The following SAMD4A variants were observed in gnomAD, a reference collection of about 807,000 sequenced individuals.
SAMD4A encodes the protein sterile alpha motif domain containing 4A.
Under a neutral mutation model 81.3 loss-of-function variants are expected in SAMD4A, and 33 were observed. The observed-to-expected ratio is 0.41, with a 90% CI of 0.31 to 0.54. The LOEUF (loss-of-function observed/expected upper bound fraction) is 0.54, where lower values mean the gene tolerates loss of function less well. Among genes scored for constraint, SAMD4A ranks in the 20% least tolerant of loss-of-function variants. SAMD4A has a pLI of 0.37. For missense variants in SAMD4A, 854 were observed against 951.1 expected (o/e 0.90, Z 1.34); for synonymous variants, 389 against 382.1 (o/e 1.02, Z -0.21).
intron 2 of SAMD4A, among the ~76,000 whole-genome samples, chr14:54,662,826 C>T (rs143994921): frequency 3.3e-5 from 5 of 152,284 alleles, no homozygotes; most frequent in African/African-American, 9.6e-5. Context: ...GATTCCTACA[C>T]GGTCTGCACA....
chr14:54,590,101 A>T, intron 2 of SAMD4A, among the ~76,000 whole-genome samples: 1 of 152,236 alleles, frequency 6.6e-6, no homozygotes, highest in East Asian at 1.9e-4. Context: ...CACACAATAA[A>T]TATTTGTTGA....
chr14:54,606,854 A>G (rs2034219384), intron 2 of SAMD4A, among the ~76,000 whole-genome samples: 1 of 152,202 alleles, frequency 6.6e-6, no homozygotes, highest in African/African-American at 2.4e-5. Flanking sequence ...GTCAACACAT[A>G]TTCACTTATT....
chr14:54,787,995 T>C (rs945865552), intron 12 of SAMD4A, among the ~76,000 whole-genome samples: 1 of 152,216 alleles, frequency 6.6e-6, no homozygotes, highest in South Asian at 2.1e-4. Flanking sequence ...GCCTCACACC[T>C]CTGATGGTCA....
At chr14:54,712,010 C>T (rs914903859) in intron 3 of SAMD4A, among the ~76,000 whole-genome samples, 2 of 152,152 alleles carry the variant, frequency 1.3e-5, no homozygotes, top group African/African-American at 4.8e-5. Flanking sequence ...TTCAGTCAGC[C>T]TGTGAGAACC....
chr14:54,702,704 T>C, intron 3 of SAMD4A, 124 bp downstream of exon 3: 1 of 1,201,858 alleles, frequency 8.3e-7, no homozygotes, highest in Non-Finnish European at 1.2e-6. Flanking sequence ...CTGATTGGAA[T>C]TGGCTGTGGG....
At position 54,764,550 on chromosome 14, in the gene SAMD4A, G is replaced by A; in HGVS notation, c.1596+10G>A. 1.9e-6 allele frequency: 3 copies of A among 1,573,356 alleles called. No individual in the cohort carries two copies. The highest frequency in any genetic ancestry group is 2.6e-6 in the Non-Finnish European group (3 of 1,156,618). The stretch of plus-strand genomic sequence containing the variant: ...GTGTCTAATTCATGAGGTGAGTAGT[G>A]ACAGGTTTTACAAAACCATTTTTTT... On this transcript the variant is annotated intron_variant, in intron 8 of 12. Transcript: ENST00000554335.
intron 2 of SAMD4A, among the ~76,000 whole-genome samples, chr14:54,674,911 G>A (rs2035958265): frequency 1.3e-5 from 2 of 152,142 alleles, no homozygotes; most frequent in Non-Finnish European, 2.9e-5. Context: ...ATGATGCCCA[G>A]CGAATTTTGA....
At position 54,639,459 on chromosome 14, in the gene SAMD4A, C is replaced by T. The variant is rs574734650; in HGVS notation, c.197-62603C>T. On this transcript the variant is annotated intron_variant, in intron 2 of 12. Transcript: ENST00000554335. The stretch of plus-strand genomic sequence containing the variant: ...CTCTCAACTAAGGCAGCAGGGTTGG[C>T]GTGAGGGGGGCAAAGGAGGGAGGAG... 3.9e-5 allele frequency among the ~76,000 whole-genome samples: 6 copies of T among 152,206 alleles called. No individual in the cohort carries two copies. In the South Asian group the frequency reaches 6.2e-4, roughly 16 times the overall value.
chr14:54,717,968 T>G (rs2037163919), intron 3 of SAMD4A, among the ~76,000 whole-genome samples: 2 of 152,060 alleles, frequency 1.3e-5, no homozygotes, highest in South Asian at 4.2e-4. Context: ...TTCCCAATTT[T>G]CTGTTGGTGA....
intron 3 of SAMD4A, among the ~76,000 whole-genome samples, chr14:54,723,828 C>T (rs1297492034): frequency 6.6e-6 from 1 of 152,208 alleles, no homozygotes; most frequent in Admixed American, 6.5e-5. Context: ...CTGTTCATTA[C>T]ATGAGTGAAT....
rs749212754 is a variant in SAMD4A, at chr14:54,760,174, G to A, written c.1190G>A (p.Gly397Glu). The A allele has an allele frequency of 5.0e-6, 8 of 1,612,238 alleles. No homozygotes were observed. The highest frequency in any genetic ancestry group is 1.3e-5 in the African/African-American group (1 of 74,720). The change falls in exon 7 of 13, where the codon GGG becomes GAG. Residue 397 changes from glycine to glutamate, a missense_variant. Physicochemically the swap from Gly to Glu is moderately conservative, Grantham distance 98 (BLOSUM62 -2). Coordinates refer to ENST00000554335, the MANE Select transcript of SAMD4A (RefSeq NM_015589.6). ...CTCACCGTCCAGGACATCATCGAGG[G>A]GGGCAGCCTGCGCATCCCGCTCCAG... ...LKSLERDIIE[G>E]GSLRIPLQEL...
intron 2 of SAMD4A, among the ~76,000 whole-genome samples, chr14:54,580,962 G>C (rs539544779): frequency 6.6e-6 from 1 of 152,332 alleles, no homozygotes; most frequent in South Asian, 2.1e-4. Context: ...AACAAAACAG[G>C]TCAAGATGAG....
rs71127666 is a variant in SAMD4A at position 54,688,931 on chromosome 14, C to CTTTTTTTTTTTTTT, written c.197-13127_197-13114dup. On this transcript the variant is annotated intron_variant, in intron 2 of 12. Transcript: ENST00000554335. Reference sequence around the variant, plus strand: ...AGAGAGGGTCCCAGAAGTCGTAATTCTTTTTTTTTTTTTTTTTGAGGCGGA... The same window carrying CTTTTTTTTTTTTTT: ...AGAGAGGGTCCCAGAAGTCGTAATTCTTTTTTTTTTTTTTTTTTTTTTTTTTTTTTTGAGGCGGA... Among the ~76,000 whole-genome samples the CTTTTTTTTTTTTTT allele has an allele frequency of 5.2e-5, 6 of 116,092 alleles. 1 individual carries two copies. The highest frequency in any genetic ancestry group is 3.6e-5 in the Non-Finnish European group (2 of 55,860). 76.2% of individuals were successfully genotyped at this position (116,092 alleles called of 152,430 possible).
chr14:54,609,707 C>A (rs944587074), intron 2 of SAMD4A, among the ~76,000 whole-genome samples: 4 of 152,174 alleles, frequency 2.6e-5, no homozygotes, highest in African/African-American at 7.2e-5. Context: ...CCACGCTGCC[C>A]TTTTTTCTCT....
intron 3 of SAMD4A, among the ~76,000 whole-genome samples, chr14:54,729,583 A>G (rs1245417353): frequency 6.6e-6 from 1 of 152,200 alleles, no homozygotes; most frequent in Non-Finnish European, 1.5e-5. Context: ...AAATATCTTC[A>G]TTTTATGTGG....
At chr14:54,640,846 T>C (rs2035158152) in intron 2 of SAMD4A, among the ~76,000 whole-genome samples, 1 of 152,182 alleles carries the variant, frequency 6.6e-6, no homozygotes, top group Admixed American at 6.5e-5. Flanking sequence ...AACAATTACA[T>C]TCTCCCTGCT....
intron 12 of SAMD4A, among the ~76,000 whole-genome samples, chr14:54,788,557 G>A (rs2139999974): frequency 6.6e-6 from 1 of 152,260 alleles, no homozygotes; most frequent in African/African-American, 2.4e-5. Context: ...GGCCAACCGG[G>A]CAGCCATCAT....
At chr14:54,739,823 G>A (rs1042038992) in intron 4 of SAMD4A, among the ~76,000 whole-genome samples, 5 of 152,170 alleles carry the variant, frequency 3.3e-5, no homozygotes, top group African/African-American at 9.7e-5. Context: ...TTTGATCTCC[G>A]TGTCTAAGAG....
intron 2 of SAMD4A, among the ~76,000 whole-genome samples, chr14:54,670,991 C>T (rs2035869313): frequency 6.6e-6 from 1 of 152,012 alleles, no homozygotes; most frequent in African/African-American, 2.4e-5. Context: ...TAAATATTGA[C>T]AGGCACCCAC....
Sources: allele counts gnomAD v4.1 joint callset (sites outside exome capture counted in the v4.1 genomes callset), GRCh38; gene constraint gnomAD v4.1.1; transcripts MANE v1.5; gene names NCBI Gene and HGNC (gene_info 2026-07-23, HGNC 2026-07-21).